The following PDE1C variants were observed in gnomAD, a reference collection of about 807,000 sequenced individuals.
PDE1C encodes dual specificity calcium/calmodulin-dependent 3',5'-cyclic nucleotide phosphodiesterase 1C.
A neutral mutation model predicts 93.1 loss-of-function variants in PDE1C; 62 were observed. The observed-to-expected ratio is 0.67, with a 90% CI of 0.54 to 0.82. The LOEUF is 0.82. Ranked by LOEUF, PDE1C falls within the 40% of genes least tolerant of loss-of-function variation. The pLI, the probability that PDE1C is intolerant of heterozygous loss-of-function variation, is 0.00. For synonymous variants in PDE1C, 325 were observed against 310.1 expected, an observed-to-expected ratio of 1.05 and a Z score of -0.50; for missense variants, 742 against 884.6, an observed-to-expected ratio of 0.84 and a Z score of 2.04.
In PDE1C at chr7:32,095,428, C is replaced by T. The variant is rs186048684; in HGVS notation, c.308+74357G>A. Among the ~76,000 whole-genome samples, 30 of 152,286 alleles carry T rather than the reference C, an allele frequency of 2.0e-4. 1 individual carries two copies. Among genetic ancestry groups the T allele is most frequent in the Admixed American group, 7.2e-4 (11 of 15,300 alleles). ...TCAGTCCCTTCCTTCCAGACAATGG[C>T]ATTTGAGATGTGTCACACTTAGCAG... is the stretch of plus-strand genomic sequence containing the variant. On this transcript the variant is annotated intron_variant, in intron 3 of 18. Transcript: ENST00000396193.
the PDE1C span, among the ~76,000 whole-genome samples, chr7:31,676,684 GAACT>G: frequency 1.1e-4 from 17 of 151,900 alleles, no homozygotes; most frequent in Admixed American, 1.1e-3. Context: ...CCAAAGGAAG[GAACT>G]AATAAGACAG....
the PDE1C span, among the ~76,000 whole-genome samples, chr7:31,623,859 T>C: frequency 1.3e-5 from 2 of 152,258 alleles, no homozygotes; most frequent in African/African-American, 4.8e-5. Context: ...TATGATTTTA[T>C]ATGTAGAAAA....
At chr7:31,644,293 GTT>G in the PDE1C span, among the ~76,000 whole-genome samples, 1 of 70,340 alleles carries the variant, frequency 1.4e-5, no homozygotes, top group African/African-American at 3.8e-5. Context: ...TAGCTGAGAA[GTT>G]CTGTGTCTTA....
At chr7:32,403,019 T>C (rs452840) in intron 1 of PDE1C, among the ~76,000 whole-genome samples, 104,269 of 151,668 alleles carry the variant, frequency 0.69, 36,093 homozygotes, top group East Asian at 0.94. Flanking sequence ...CTCAGGACTG[T>C]GGGGTGCGCC....
chr7:31,709,067 A>G, the PDE1C span, among the ~76,000 whole-genome samples: 1 of 152,234 alleles, frequency 6.6e-6, no homozygotes. Flanking sequence ...CAATGTTTAC[A>G]AAGGGATCTT....
the PDE1C span, among the ~76,000 whole-genome samples, chr7:31,625,577 A>G: frequency 6.6e-6 from 1 of 152,156 alleles, no homozygotes; most frequent in Non-Finnish European, 1.5e-5. Context: ...AACAATGGGA[A>G]CACATGGACA....
At chr7:32,242,074 T>C (rs1562611079) in intron 1 of PDE1C, among the ~76,000 whole-genome samples, 2 of 152,198 alleles carry the variant, frequency 1.3e-5, no homozygotes, top group African/African-American at 4.8e-5. Flanking sequence ...ATTTGCCAGA[T>C]AGCACAAGGA....
chr7:32,315,175 G>T (rs11981809), intron 1 of PDE1C, among the ~76,000 whole-genome samples: 11,457 of 151,438 alleles, frequency 0.076, 505 homozygotes, highest in East Asian at 0.13. Flanking sequence ...ACTAAAGAAA[G>T]ACAGGAAGGT....
intron 2 of PDE1C, among the ~76,000 whole-genome samples, chr7:32,180,513 T>C (rs914960020): frequency 6.6e-6 from 1 of 152,176 alleles, no homozygotes; most frequent in African/African-American, 2.4e-5. Flanking sequence ...CCTTCCATCA[T>C]GTGAGGACAC....
chr7:31,774,222 G>T (rs528459072), intron 17 of PDE1C, among the ~76,000 whole-genome samples: 1 of 152,266 alleles, frequency 6.6e-6, no homozygotes, highest in East Asian at 1.9e-4. Flanking sequence ...AAAATGCAAG[G>T]CAATGTGCCT....
rs761772740 is a variant in PDE1C, at chr7:31,807,591, T to C, written c.1891+1440A>G. Among the ~76,000 whole-genome samples, 49 of 151,792 alleles carry C rather than the reference T, an allele frequency of 3.2e-4. 1 individual carries two copies. Among genetic ancestry groups the C allele is most frequent in the Non-Finnish European group, 4.6e-4 (31 of 67,898 alleles). The stretch of plus-strand genomic sequence containing the variant: ...AAGATTCAAAATGGCATACGAAAAA[T>C]TTGGGACTTGATTTATTCTGGGCTT... On this transcript the variant is annotated intron_variant, in intron 16 of 17. Transcript: ENST00000396191.
chr7:32,275,219 TGC>T (rs1360537955), intron 1 of PDE1C, among the ~76,000 whole-genome samples: 3 of 152,170 alleles, frequency 2.0e-5, no homozygotes. Flanking sequence ...CCTTTTCTAC[TGC>T]TAGCAAAGAA....
chr7:32,072,285 C>T (rs945340918), upstream of PDE1C, among the ~76,000 whole-genome samples: 2 of 152,174 alleles, frequency 1.3e-5, no homozygotes, highest in African/African-American at 2.4e-5. Context: ...TACTCACCTG[C>T]CAGGTAAATC....
chr7:31,851,093 C>CAT (rs145787194), intron 7 of PDE1C, among the ~76,000 whole-genome samples: 20,138 of 148,040 alleles, frequency 0.14, 1,578 homozygotes, highest in South Asian at 0.24. Flanking sequence ...CACACACACA[C>CAT]ACACACATAA....
the PDE1C span, among the ~76,000 whole-genome samples, chr7:31,733,230 G>A: frequency 2.0e-5 from 3 of 152,144 alleles, no homozygotes; most frequent in Non-Finnish European, 4.4e-5. Context: ...TAACATCTGC[G>A]GCCCATGATT....
chr7:32,163,277 C>T (rs915481538), intron 3 of PDE1C, among the ~76,000 whole-genome samples: 11 of 152,276 alleles, frequency 7.2e-5, no homozygotes, highest in South Asian at 4.1e-4. Flanking sequence ...TACCCCACAC[C>T]ATGCCATATC....
At chr7:32,409,411 CAG>C (rs1785120932) in intron 1 of PDE1C, among the ~76,000 whole-genome samples, 1 of 152,068 alleles carries the variant, frequency 6.6e-6, no homozygotes, top group African/African-American at 2.4e-5. Context: ...ATTTTTATGA[CAG>C]TGTTATATCA....
intron 1 of PDE1C, among the ~76,000 whole-genome samples, chr7:32,320,382 A>T (rs1783265010): frequency 6.6e-6 from 1 of 152,160 alleles, no homozygotes; most frequent in Admixed American, 6.5e-5. Context: ...GAGGGAGAGC[A>T]TCAGGAAGAA....
At chr7:32,028,720 C>T (rs1789824280) in intron 2 of PDE1C, among the ~76,000 whole-genome samples, 2 of 151,932 alleles carry the variant, frequency 1.3e-5, no homozygotes, top group Admixed American at 6.6e-5. Flanking sequence ...TAGAAATTTA[C>T]CCTCTTAGCA....
Sources: allele counts gnomAD v4.1 joint callset (sites outside exome capture counted in the v4.1 genomes callset), GRCh38; gene constraint gnomAD v4.1.1; transcripts MANE v1.5; gene names NCBI Gene and HGNC (gene_info 2026-07-23, HGNC 2026-07-21).